The following TBC1D4 variants were observed in gnomAD, a reference collection of about 807,000 sequenced individuals.
The protein encoded by TBC1D4 is TBC1 domain family member 4.
TBC1D4 carries 121 observed loss-of-function variants against 142.5 expected under a neutral mutation model. That is an observed-to-expected ratio of 0.85 (90% CI 0.73 to 0.99). The LOEUF is 0.99. Ranked by LOEUF, TBC1D4 falls within the 50% of genes least tolerant of loss-of-function variation. The probability of loss-of-function intolerance (pLI) is 0.00; values close to 1 mark genes in which losing one functional copy is unlikely to be tolerated. For synonymous variants in TBC1D4, 630 were observed against 628.2 expected (o/e 1.00, Z -0.04); for missense variants, 1,475 against 1,606.6 (o/e 0.92, Z 1.40).
intron 1 of TBC1D4, among the ~76,000 whole-genome samples, chr13:75,400,199 C>T: frequency 6.6e-6 from 1 of 152,194 alleles, no homozygotes; most frequent in East Asian, 1.9e-4. Flanking sequence ...ATTTCTCTCC[C>T]TCCTTTCACC....
intron 1 of TBC1D4, among the ~76,000 whole-genome samples, chr13:75,424,908 T>G (rs1273414509): frequency 2.6e-5 from 4 of 152,064 alleles, no homozygotes; most frequent in Non-Finnish European, 4.4e-5. Context: ...ATTGTAAAAC[T>G]ACCAGAAGCT....
intron 4 of TBC1D4, among the ~76,000 whole-genome samples, chr13:75,350,993 T>C (rs1226997539): frequency 1.3e-5 from 2 of 152,184 alleles, no homozygotes; most frequent in Non-Finnish European, 2.9e-5. Flanking sequence ...AATAACTTAA[T>C]TATTTTAGTC....
At chr13:75,288,266 T>G (rs1252368760) in intron 20 of TBC1D4, among the ~76,000 whole-genome samples, 1 of 152,084 alleles carries the variant, frequency 6.6e-6, no homozygotes, top group Non-Finnish European at 1.5e-5. Flanking sequence ...CCGCAACAGA[T>G]TTTCACAAGT....
At chr13:75,346,221 G>C (rs1426062568) in intron 5 of TBC1D4, among the ~76,000 whole-genome samples, 1 of 132,886 alleles carries the variant, frequency 7.5e-6, no homozygotes, top group Admixed American at 7.2e-5. Flanking sequence ...TTGTTACACA[G>C]GTATATACGT....
chr13:75,450,456 C>T (rs998037581), intron 1 of TBC1D4, among the ~76,000 whole-genome samples: 40 of 152,134 alleles, frequency 2.6e-4, no homozygotes, highest in Non-Finnish European at 4.0e-4. Flanking sequence ...CACACCCATA[C>T]GGATACATGC....
intron 18 of TBC1D4, among the ~76,000 whole-genome samples, chr13:75,293,653 G>C (rs1875573787): frequency 1.3e-5 from 2 of 152,118 alleles, no homozygotes; most frequent in South Asian, 4.1e-4. Flanking sequence ...GAGAAATCTG[G>C]TGAACATTTG....
chr13:75,449,261 T>C (rs549205576), intron 1 of TBC1D4, among the ~76,000 whole-genome samples: 2 of 152,038 alleles, frequency 1.3e-5, no homozygotes, highest in Non-Finnish European at 2.9e-5. Context: ...TGTATATATA[T>C]GTATACACAC....
intron 1 of TBC1D4, among the ~76,000 whole-genome samples, chr13:75,449,266 A>T (rs1013247296): frequency 2.0e-5 from 3 of 151,782 alleles, no homozygotes; most frequent in Non-Finnish European, 4.4e-5. Context: ...ATATATGTAT[A>T]CACACACATA....
chr13:75,318,718 T>TC (rs1878512395), intron 12 of TBC1D4, among the ~76,000 whole-genome samples: 1 of 152,208 alleles, frequency 6.6e-6, no homozygotes, highest in Non-Finnish European at 1.5e-5. Flanking sequence ...CTAGTGGAAA[T>TC]CAATATATAG....
At chr13:75,320,064 G>A in intron 11 of TBC1D4, 27 bp from the exon 12 acceptor site, 2 of 1,612,602 alleles carry the variant, frequency 1.2e-6, no homozygotes, top group Non-Finnish European at 1.7e-6. Flanking sequence ...ACAAGGAATG[G>A]AATTAGCACA....
chr13:75,285,436 A>G lies in TBC1D4; in HGVS notation c.*1356T>C, dbSNP rs1291390036. The G allele has an allele frequency of 6.6e-6, 1 of 152,302 alleles. No homozygotes were observed. The highest frequency in any genetic ancestry group is 1.5e-5 in the Non-Finnish European group (1 of 68,044). The allele number at this position is 152,302 out of a possible 1,614,324, so 9.4% of individuals were successfully genotyped here. On this transcript the variant is annotated 3_prime_UTR_variant, in exon 21 of 21. Transcript: ENST00000377636. ...TTGGAAAGGCAAAAATGCTGCATCA[A>G]CTTTCAGAGGCACTATCATAGAATC...
Position 75,283,892 on chromosome 13 carries a change from T to G in TBC1D4, c.*2900A>C, listed in dbSNP as rs1238592352. Among the ~76,000 whole-genome samples the G allele has an allele frequency of 6.6e-6, 1 of 152,014 alleles. No homozygotes were observed. The highest frequency in any genetic ancestry group is 1.5e-5 in the Non-Finnish European group (1 of 68,010). On this transcript the variant is annotated 3_prime_UTR_variant, in exon 21 of 21. Transcript: ENST00000377636. ...TCCAAACCATGCAGATCTTTTTTGT[T>G]TGGTTGTTTGTTTTTCTTTTTTTTT...
At chr13:75,437,301 A>G (rs984472168) in intron 1 of TBC1D4, among the ~76,000 whole-genome samples, 6 of 152,186 alleles carry the variant, frequency 3.9e-5, no homozygotes, top group East Asian at 1.9e-4. Context: ...CGAAGCATTA[A>G]GGGGGCAGGA....
intron 1 of TBC1D4, among the ~76,000 whole-genome samples, chr13:75,474,933 G>A (rs987625712): frequency 2.6e-5 from 4 of 152,102 alleles, no homozygotes; most frequent in South Asian, 2.1e-4. Context: ...CACCACGCCC[G>A]GCCCATAATT....
chr13:75,394,649 C>T (rs982925), intron 1 of TBC1D4, among the ~76,000 whole-genome samples: 52,688 of 151,932 alleles, frequency 0.35, 9,734 homozygotes, highest in African/African-American at 0.43. Flanking sequence ...ATACAATAGA[C>T]GCTAGATTTG....
At chr13:75,341,098 T>C in intron 7 of TBC1D4, 27 bp downstream of exon 7, 1 of 1,571,576 alleles carries the variant, frequency 6.4e-7, no homozygotes, top group Non-Finnish European at 8.7e-7. Flanking sequence ...ACAACAAAAG[T>C]AGGTGAAGTA....
chr13:75,394,423 G>A (rs1884668296), intron 1 of TBC1D4, among the ~76,000 whole-genome samples: 1 of 152,098 alleles, frequency 6.6e-6, no homozygotes, highest in Non-Finnish European at 1.5e-5. Context: ...AACACAAGAG[G>A]TCATCAAAAG....
intron 1 of TBC1D4, among the ~76,000 whole-genome samples, chr13:75,399,482 C>T (rs1884969136): frequency 6.6e-6 from 1 of 152,034 alleles, no homozygotes; most frequent in African/African-American, 2.4e-5. Flanking sequence ...AATAACTTGT[C>T]CTTTTATTTA....
intron 7 of TBC1D4, among the ~76,000 whole-genome samples, chr13:75,337,631 G>T (rs1206701197): frequency 6.6e-6 from 1 of 152,168 alleles, no homozygotes. Context: ...ATATCACATG[G>T]TCCTTAGTAG....
Sources: gnomAD v4.1 joint callset for allele counts (sites outside exome capture counted in the v4.1 genomes callset) on GRCh38, gnomAD v4.1.1 for gene constraint, MANE v1.5 for transcripts, NCBI Gene and HGNC (gene_info 2026-07-23, HGNC 2026-07-21) for gene names.